The following RBPJ variants were observed in gnomAD, a reference collection of about 807,000 sequenced individuals.
The protein encoded by RBPJ is recombination signal binding protein for immunoglobulin kappa J region.
A neutral mutation model predicts 67.8 loss-of-function variants in RBPJ; 9 were observed. That is an observed-to-expected ratio of 0.13 (90% CI 0.08 to 0.23). The LOEUF (loss-of-function observed/expected upper bound fraction) is 0.23, where lower values mean the gene tolerates loss of function less well. RBPJ is among the 10% of genes least tolerant of loss of function. RBPJ has a pLI of 1.00. For synonymous variants in RBPJ, 198 were observed against 203.3 expected (o/e 0.97, Z 0.22); for missense variants, 305 against 595.6 (o/e 0.51, Z 5.08).
At chr4:26,344,876 G>C (rs778082254) in intron 1 of RBPJ, among the ~76,000 whole-genome samples, 136 of 152,186 alleles carry the variant, frequency 8.9e-4, no homozygotes, top group Non-Finnish European at 1.4e-3. Flanking sequence ...TCTTCTTAAA[G>C]GCAATGCTTA....
rs1045636816 is a variant in RBPJ at position 26,387,148 on chromosome 4, T to A, written c.59+757T>A. On this transcript the variant is annotated intron_variant, in intron 2 of 10. Coordinates refer to ENST00000355476, the MANE Select transcript of RBPJ (RefSeq NM_015874.6). ...TTCCCCTTAATGGCTCCATGGTTTT[T>A]CATAGCTTTCATACCACTTTTAATA... Among the ~76,000 whole-genome samples, 3 of 152,196 alleles carry A rather than the reference T, an allele frequency of 2.0e-5. No individual in the cohort carries two copies. In the East Asian group the frequency reaches 5.8e-4, roughly 29 times the overall value.
chr4:26,165,937 A>G (rs369857738), intron 1 of RBPJ, among the ~76,000 whole-genome samples: 1,457 of 145,280 alleles, frequency 0.01, 9 homozygotes, highest in South Asian at 0.028. Flanking sequence ...TCATTGTTCA[A>G]TTCCCATCTG....
chr4:26,132,033 G>A, the RBPJ span, among the ~76,000 whole-genome samples: 1 of 152,104 alleles, frequency 6.6e-6, no homozygotes. Context: ...GGTACACCTG[G>A]ACTGGTCTAG....
intron 1 of RBPJ, among the ~76,000 whole-genome samples, chr4:26,219,921 A>G (rs1470962465): frequency 2.0e-5 from 3 of 147,564 alleles, no homozygotes; most frequent in Non-Finnish European, 4.5e-5. Context: ...GACCACAGGC[A>G]CCCACCACCA....
chr4:26,226,651 C>T (rs955035654), intron 1 of RBPJ, among the ~76,000 whole-genome samples: 2 of 152,128 alleles, frequency 1.3e-5, no homozygotes, highest in African/African-American at 4.8e-5. Context: ...TTTCTAAGAT[C>T]CAATAGGCAT....
At chr4:26,229,389 T>A (rs1306664558) in intron 1 of RBPJ, among the ~76,000 whole-genome samples, 3 of 152,172 alleles carry the variant, frequency 2.0e-5, no homozygotes, top group African/African-American at 7.2e-5. Context: ...AAGATTTCCA[T>A]AGCTGGTCTC....
At chr4:26,202,415 T>C (rs898286639) in intron 1 of RBPJ, among the ~76,000 whole-genome samples, 1 of 151,860 alleles carries the variant, frequency 6.6e-6, no homozygotes, top group Non-Finnish European at 1.5e-5. Context: ...ACAACTCAAA[T>C]TTCAACATAT....
intron 1 of RBPJ, among the ~76,000 whole-genome samples, chr4:26,251,585 C>T (rs1181377149): frequency 3.7e-5 from 5 of 136,756 alleles, no homozygotes; most frequent in East Asian, 2.1e-4. Flanking sequence ...GCAATGAGAG[C>T]GGAAATCATG....
At chr4:26,362,151 C>T (rs1271187711) in intron 1 of RBPJ, among the ~76,000 whole-genome samples, 1 of 152,152 alleles carries the variant, frequency 6.6e-6, no homozygotes. Context: ...AGAAGCAGAC[C>T]TAGCACCTAG....
At chr4:26,308,167 T>C (rs1279539330) in intron 1 of RBPJ, among the ~76,000 whole-genome samples, 1 of 151,938 alleles carries the variant, frequency 6.6e-6, no homozygotes, top group Non-Finnish European at 1.5e-5. Flanking sequence ...TCCCAGCTAG[T>C]CGGGAGGCTG....
chr4:26,252,588 A>AAG, intron 1 of RBPJ, among the ~76,000 whole-genome samples: 1 of 152,028 alleles, frequency 6.6e-6, no homozygotes, highest in East Asian at 1.9e-4. Flanking sequence ...CGCTGACTCA[A>AAG]AGAGAGAGAG....
chr4:26,342,265 C>CAA (rs60781954), intron 1 of RBPJ, among the ~76,000 whole-genome samples: 49,419 of 113,636 alleles, frequency 0.43, 10,648 homozygotes, highest in Non-Finnish European at 0.54. Flanking sequence ...CCTGGGTTAT[C>CAA]AAAAAAAAAA....
At chr4:26,349,434 T>G (rs1726570875) in intron 1 of RBPJ, among the ~76,000 whole-genome samples, 1 of 152,210 alleles carries the variant, frequency 6.6e-6, no homozygotes, top group African/African-American at 2.4e-5. Context: ...TTTATCTTTT[T>G]TATTTGAATA....
chr4:26,405,519 G>A (rs1385038109), intron 2 of RBPJ, among the ~76,000 whole-genome samples: 1 of 152,036 alleles, frequency 6.6e-6, no homozygotes, highest in African/African-American at 2.4e-5. Context: ...AATATGTAGA[G>A]TTGTTTTTAC....
intron 1 of RBPJ, among the ~76,000 whole-genome samples, chr4:26,196,331 C>T (rs924533971): frequency 2.6e-5 from 4 of 152,110 alleles, no homozygotes; most frequent in African/African-American, 9.7e-5. Flanking sequence ...AGCAAGTTGT[C>T]AAAGGCTCGA....
upstream of RBPJ, among the ~76,000 whole-genome samples, chr4:26,158,985 A>G (rs868562038): frequency 1.8e-5 from 1 of 54,494 alleles, no homozygotes; most frequent in African/African-American, 6.0e-5. Context: ...CTCTCTCTCA[A>G]TTTAGTCCCT....
chr4:26,189,639 CAG>C (rs970364801), intron 1 of RBPJ, among the ~76,000 whole-genome samples: 1 of 152,004 alleles, frequency 6.6e-6, no homozygotes. Context: ...GCCTGGGAAA[CAG>C]AGCAAGACTC....
Position 26,270,440 on chromosome 4 carries a change from G to GAAAGAAA in RBPJ, c.-166-92005_-166-91999dup, listed in dbSNP as rs1560238033. ...AAGAAAGAAAGAAAGAAAGAAAGAA[G>GAAAGAAA]AAAGAAAGAAAGAAAGAAAAGAAAA... On this transcript the variant is annotated intron_variant, in intron 1 of 4. Coordinates refer to the RBPJ transcript ENST00000512351. Among the ~76,000 whole-genome samples the GAAAGAAA allele has an allele frequency of 1.4e-3, 136 of 95,528 alleles. 9 individuals are homozygous for GAAAGAAA. Among genetic ancestry groups the GAAAGAAA allele is most frequent in the African/African-American group, 5.8e-3 (132 of 22,894 alleles). 62.7% of individuals were successfully genotyped at this position (95,528 alleles called of 152,430 possible).
intron 1 of RBPJ, among the ~76,000 whole-genome samples, chr4:26,217,376 A>G (rs6843866): frequency 0.89 from 135,331 of 152,118 alleles, 60,362 homozygotes; most frequent in East Asian, 0.98. Context: ...CTCCTGTGGC[A>G]TTGAAGAGCA....
Sources: allele counts gnomAD v4.1 joint callset (sites outside exome capture counted in the v4.1 genomes callset), GRCh38; gene constraint gnomAD v4.1.1; transcripts MANE v1.5; gene names NCBI Gene and HGNC (gene_info 2026-07-23, HGNC 2026-07-21).